The following PLCE1 variants were observed in gnomAD, a reference collection of about 807,000 sequenced individuals.
PLCE1 encodes 1-phosphatidylinositol 4,5-bisphosphate phosphodiesterase epsilon-1.
Under a neutral mutation model 242.8 loss-of-function variants are expected in PLCE1, and 119 were observed. The ratio of observed to expected loss-of-function variants is 0.49; its 90% CI spans 0.42 to 0.57. The LOEUF (loss-of-function observed/expected upper bound fraction) is 0.57, where lower values mean the gene tolerates loss of function less well. PLCE1 is among the 20% of genes least tolerant of loss of function. PLCE1 has a pLI of 0.00. For synonymous variants in PLCE1, 945 were observed against 1,017.4 expected (o/e 0.93, Z 1.35); for missense variants, 2,441 against 2,788.8 (o/e 0.88, Z 2.81).
intron 21 of PLCE1, among the ~76,000 whole-genome samples, chr10:94,284,580 CTATT>C (rs1402149833): frequency 1.3e-5 from 2 of 152,182 alleles, no homozygotes; most frequent in African/African-American, 2.4e-5. Flanking sequence ...AGTCAATCCT[CTATT>C]TATTTAACAA....
chr10:94,162,095 A>G (rs1448502910), intron 3 of PLCE1, among the ~76,000 whole-genome samples: 1 of 152,208 alleles, frequency 6.6e-6, no homozygotes, highest in Non-Finnish European at 1.5e-5. Context: ...AATGTTCATC[A>G]GGGATATTGG....
chr10:94,171,168 G>C lies in PLCE1; in HGVS notation c.1493-12G>C, dbSNP rs753126653. The C allele has an allele frequency of 6.2e-7, 1 of 1,613,028 alleles. No individual in the cohort carries two copies. Among genetic ancestry groups the C allele is most frequent in the Non-Finnish European group, 8.5e-7 (1 of 1,179,048 alleles). On this transcript the variant is annotated splice_polypyrimidine_tract_variant and intron_variant, in intron 3 of 32. Coordinates refer to ENST00000371380, the MANE Select transcript of PLCE1 (RefSeq NM_016341.4). ...ATTTGATGTAACCACGACTTCTGTT[G>C]CTTTGTTTTAGAACGCCAGCCAGGC...
chr10:94,286,040 CA>C (rs1197755943), intron 22 of PLCE1, among the ~76,000 whole-genome samples: 1 of 152,038 alleles, frequency 6.6e-6, no homozygotes, highest in African/African-American at 2.4e-5. Flanking sequence ...AATGGGGCAC[CA>C]GGGGGTAGAA....
At chr10:94,056,541 T>C (rs1002039579) in intron 2 of PLCE1, among the ~76,000 whole-genome samples, 7 of 152,180 alleles carry the variant, frequency 4.6e-5, no homozygotes, top group African/African-American at 1.7e-4. Context: ...TAAATTTTCT[T>C]TCAATTTTCA....
chr10:94,098,995 C>T (rs1252170943), intron 2 of PLCE1, among the ~76,000 whole-genome samples: 1 of 152,132 alleles, frequency 6.6e-6, no homozygotes, highest in Non-Finnish European at 1.5e-5. Context: ...GAAATGCAGG[C>T]AAAGTGGAAG....
chr10:94,295,285 A>C (rs868088957), intron 23 of PLCE1, among the ~76,000 whole-genome samples: 1 of 152,220 alleles, frequency 6.6e-6, no homozygotes, highest in Middle Eastern at 3.4e-3. Context: ...TAAATGTATG[A>C]AATATTCTAA....
chr10:94,181,833 A>G (rs2048321738), intron 4 of PLCE1, among the ~76,000 whole-genome samples: 1 of 123,970 alleles, frequency 8.1e-6, no homozygotes, highest in African/African-American at 4.6e-5. Flanking sequence ...TGGGAGGAAC[A>G]TTTGGGCCCA....
At position 94,055,476 on chromosome 10, in the gene PLCE1, C is replaced by T. The variant is rs948528794; in HGVS notation, c.1206+23224C>T. 3.9e-5 allele frequency among the ~76,000 whole-genome samples: 6 copies of T among 151,948 alleles called. No individual in the cohort carries two copies. The East Asian group carries it at 5.8e-4, about 15-fold the overall frequency. On this transcript the variant is annotated intron_variant, in intron 2 of 32. Transcript: ENST00000371380. ...GATTACAGGCACCCACTATCACACCCGGCTAATATTTTTGTATTTTTAGTA... is the reference window on the plus strand; with the variant it reads ...GATTACAGGCACCCACTATCACACCTGGCTAATATTTTTGTATTTTTAGTA...
rs185263761 is a variant in PLCE1, at chr10:94,191,560, G to C, written c.1809+20064G>C. 2.3e-3 allele frequency among the ~76,000 whole-genome samples: 344 copies of C among 152,244 alleles called. 1 individual carries two copies. Among genetic ancestry groups the C allele is most frequent in the African/African-American group, 7.8e-3 (324 of 41,532 alleles). On this transcript the variant is annotated intron_variant, in intron 4 of 32. Transcript: ENST00000371380. ...GGAGCCTGAGGTGGGAGGATCACTT[G>C]AGTGCGGGAGGTTGAGTCTGCAGTG...
intron 2 of PLCE1, chr10:94,106,944 C>CTCTCTCTCTCTCTCTCTCTCTCT (rs1554855409): frequency 1.2e-4 from 15 of 126,276 alleles, no homozygotes; most frequent in Non-Finnish European, 1.7e-4. Context: ...CTCTCTCTCT[C>CTCTCTCTCTCTCTCTCTCTCTCT]CCCCTCCCCT....
intron 4 of PLCE1, among the ~76,000 whole-genome samples, chr10:94,222,501 A>G (rs2049788312): frequency 4.6e-5 from 7 of 152,190 alleles, no homozygotes; most frequent in Admixed American, 4.6e-4. Context: ...AATGTGCGCT[A>G]GGGTCAGGGT....
chr10:94,024,529 A>G (rs1335508013), intron 1 of PLCE1, among the ~76,000 whole-genome samples: 1 of 152,078 alleles, frequency 6.6e-6, no homozygotes. Flanking sequence ...CTACCTTACT[A>G]TAAAGTCCTA....
rs193203291 is a variant in PLCE1 at position 94,168,795 on chromosome 10, T to C, written c.1493-2385T>C. ...CAGAGTGCTATAGTTCGAGATCATG[T>C]CTTAGAGTTGGTTACTTCTGAGAAG... On this transcript the variant is annotated intron_variant, in intron 3 of 32. Coordinates refer to ENST00000371380, the MANE Select transcript of PLCE1 (RefSeq NM_016341.4). Among the ~76,000 whole-genome samples the C allele has an allele frequency of 3.9e-3, 601 of 152,298 alleles. 3 individuals are homozygous for C. Among genetic ancestry groups the C allele is most frequent in the African/African-American group, 0.013 (554 of 41,578 alleles).
chr10:94,159,018 C>T (rs917270986), intron 3 of PLCE1, among the ~76,000 whole-genome samples: 10 of 151,708 alleles, frequency 6.6e-5, no homozygotes, highest in Non-Finnish European at 1.3e-4. Flanking sequence ...ATATTTTCCA[C>T]GTTTTCACAG....
In PLCE1 at chr10:94,015,382, T is replaced by C. The variant is rs929831154; in HGVS notation, c.-364-15301T>C. Among the ~76,000 whole-genome samples the C allele has an allele frequency of 3.3e-5, 5 of 152,336 alleles. No individual in the cohort carries two copies. The East Asian group carries it at 9.6e-4, about 29-fold the overall frequency. On this transcript the variant is annotated intron_variant, in intron 1 of 32. Coordinates refer to ENST00000371380, the MANE Select transcript of PLCE1 (RefSeq NM_016341.4). ...AGCAACTGAGAGGGTAGAATGCTTT[T>C]CTTGAAAAATCTTTTCAGAGTTAGA...
rs147036971 is a variant in PLCE1, at chr10:94,205,941, T to A, written c.1810-21365T>A. On this transcript the variant is annotated intron_variant, in intron 4 of 32. Transcript: ENST00000371380. Reference sequence around the variant, plus strand: ...AGTGCCCACTGTGTGCCATGCACTGTTCTAGGCTCTACGGATCCAGCAACG... The same window carrying A: ...AGTGCCCACTGTGTGCCATGCACTGATCTAGGCTCTACGGATCCAGCAACG... Among the ~76,000 whole-genome samples the A allele has an allele frequency of 4.3e-3, 652 of 152,374 alleles. 3 individuals carry two copies. Among genetic ancestry groups the A allele is most frequent in the African/African-American group, 0.011 (473 of 41,588 alleles).
chr10:94,244,313 G>A (rs188403931), intron 7 of PLCE1, among the ~76,000 whole-genome samples: 29 of 152,242 alleles, frequency 1.9e-4, no homozygotes, highest in Middle Eastern at 3.4e-3. Context: ...CCAGAGACGC[G>A]TGGACCAGCC....
At chr10:94,156,080 A>G (rs1401292612) in intron 3 of PLCE1, among the ~76,000 whole-genome samples, 1 of 152,230 alleles carries the variant, frequency 6.6e-6, no homozygotes, top group African/African-American at 2.4e-5. Flanking sequence ...ATGGGGTGTG[A>G]TAATAATGCC....
intron 4 of PLCE1, among the ~76,000 whole-genome samples, chr10:94,194,283 G>T (rs2048754676): frequency 6.6e-6 from 1 of 152,094 alleles, no homozygotes; most frequent in African/African-American, 2.4e-5. Flanking sequence ...ATTAACAAAT[G>T]GTTACATTCA....
Sources: allele counts gnomAD v4.1 joint callset (sites outside exome capture counted in the v4.1 genomes callset), GRCh38; gene constraint gnomAD v4.1.1; transcripts MANE v1.5; gene names NCBI Gene and HGNC (gene_info 2026-07-23, HGNC 2026-07-21).